Variants in WDR59 observed in about 807,000 individuals in gnomAD.
The protein encoded by WDR59 is WD repeat domain 59, also known as GATOR2 complex protein WDR59.
Under a neutral mutation model 131.2 loss-of-function variants are expected in WDR59, and 100 were observed. The observed-to-expected ratio is 0.76, with a 90% CI of 0.65 to 0.90. WDR59 has a LOEUF of 0.90. Ranked by LOEUF, WDR59 falls within the 40% of genes least tolerant of loss-of-function variation. WDR59 has a pLI of 0.00. For synonymous variants in WDR59, 601 were observed against 466.2 expected (o/e 1.29, Z -3.72); for missense variants, 1,203 against 1,262.2 (o/e 0.95, Z 0.71).
intron 1 of WDR59, among the ~76,000 whole-genome samples, chr16:74,967,704 C>T (rs1250148462): frequency 6.6e-6 from 1 of 151,814 alleles, no homozygotes; most frequent in Non-Finnish European, 1.5e-5. Flanking sequence ...ACTAAAAATA[C>T]AAAAATTAGC....
chr16:74,906,192 T>C (rs1201820845), intron 17 of WDR59, among the ~76,000 whole-genome samples: 1 of 151,252 alleles, frequency 6.6e-6, no homozygotes, highest in Non-Finnish European at 1.5e-5. Flanking sequence ...CGGGCGCCTA[T>C]AGGCCCAGCT....
At chr16:74,874,871 G>C (rs182771260) in intron 25 of WDR59, among the ~76,000 whole-genome samples, 2 of 152,122 alleles carry the variant, frequency 1.3e-5, no homozygotes, top group Non-Finnish European at 2.9e-5. Context: ...GATTATAGGC[G>C]TGAGCCACTG....
At chr16:74,878,824 T>C (rs907499318) in intron 25 of WDR59, among the ~76,000 whole-genome samples, 1 of 152,248 alleles carries the variant, frequency 6.6e-6, no homozygotes, top group African/African-American at 2.4e-5. Context: ...CCTTAGGAAA[T>C]GATTCTGCTC....
At chr16:74,890,336 A>G (rs1964977244) in intron 20 of WDR59, among the ~76,000 whole-genome samples, 1 of 151,998 alleles carries the variant, frequency 6.6e-6, no homozygotes. Context: ...TTTTCAGTAG[A>G]GATGGGGTTT....
chr16:74,970,350 T>C (rs907757644), intron 1 of WDR59, among the ~76,000 whole-genome samples: 3 of 151,878 alleles, frequency 2.0e-5, no homozygotes, highest in African/African-American at 7.2e-5. Context: ...GTCATTTCAC[T>C]TAATTCTACT....
At chr16:74,884,628 G>A (rs889344043) in intron 25 of WDR59, among the ~76,000 whole-genome samples, 3 of 152,310 alleles carry the variant, frequency 2.0e-5, no homozygotes, top group South Asian at 2.1e-4. Context: ...GATTACAGGC[G>A]TAAGTCACCA....
intron 2 of WDR59, 31 bp downstream of exon 2, chr16:74,965,742 C>A (rs1022553152): frequency 6.2e-7 from 1 of 1,613,776 alleles, no homozygotes; most frequent in Admixed American, 1.7e-5. Context: ...TTCCAGAAAT[C>A]ATGGCAGACA....
chr16:74,885,561 G>A, intron 25 of WDR59, 92 bp downstream of exon 25: 1 of 1,426,052 alleles, frequency 7.0e-7, no homozygotes, highest in Non-Finnish European at 9.3e-7. Context: ...GAAATGAGAA[G>A]CTGAAACTTC....
intron 1 of WDR59, among the ~76,000 whole-genome samples, chr16:74,966,143 C>G (rs1371706985): frequency 6.6e-6 from 1 of 152,094 alleles, no homozygotes; most frequent in African/African-American, 2.4e-5. Context: ...CTACCTGTTA[C>G]CCCCACACCA....
chr16:74,976,022 A>T (rs1350111582), intron 1 of WDR59, among the ~76,000 whole-genome samples: 1 of 152,164 alleles, frequency 6.6e-6, no homozygotes, highest in Non-Finnish European at 1.5e-5. Flanking sequence ...TATTTAAAAA[A>T]GAAAAAATAT....
At chr16:74,922,242 T>C (rs550377366) in intron 9 of WDR59, 139 bp from the exon 10 acceptor site, 4 of 1,079,706 alleles carry the variant, frequency 3.7e-6, no homozygotes, top group East Asian at 2.6e-5. Flanking sequence ...GAGAAATTTT[T>C]CCCAAACACC....
chr16:74,976,131 A>C (rs1219754814), intron 1 of WDR59, among the ~76,000 whole-genome samples: 3 of 152,248 alleles, frequency 2.0e-5, no homozygotes, highest in African/African-American at 4.8e-5. Context: ...GAAACTAAAA[A>C]AGTAGGAACC....
intron 1 of WDR59, among the ~76,000 whole-genome samples, chr16:74,974,239 C>T (rs1360595275): frequency 6.6e-6 from 1 of 152,132 alleles, no homozygotes; most frequent in African/African-American, 2.4e-5. Flanking sequence ...TTCCCACACA[C>T]TAAAATGGCC....
chr16:74,938,751 T>A (rs186856560), intron 7 of WDR59, among the ~76,000 whole-genome samples: 2 of 152,106 alleles, frequency 1.3e-5, no homozygotes, highest in Admixed American at 1.3e-4. Context: ...TTGTCCAGGC[T>A]GGTCTTGAAC....
chr16:74,933,175 C>G (rs913931247), intron 8 of WDR59, among the ~76,000 whole-genome samples: 1 of 152,100 alleles, frequency 6.6e-6, no homozygotes, highest in Non-Finnish European at 1.5e-5. Context: ...GTGGCATACA[C>G]CTGTAGTCCT....
chr16:74,885,448 C>CAAAAAAAAAAAAA (rs397855343), intron 25 of WDR59, among the ~76,000 whole-genome samples: 1 of 62,372 alleles, frequency 1.6e-5, no homozygotes, highest in Admixed American at 2.6e-4. Flanking sequence ...GATTCCATCT[C>CAAAAAAAAAAAAA]AAAAAAAAAA....
chr16:74,908,075 A>G (rs375548690), intron 17 of WDR59, among the ~76,000 whole-genome samples: 20 of 152,306 alleles, frequency 1.3e-4, no homozygotes, highest in African/African-American at 4.8e-4. Flanking sequence ...GTTAAACATG[A>G]TTCTCTCTAA....
chr16:74,886,682 G>GGCCT (rs1489008766), intron 23 of WDR59, among the ~76,000 whole-genome samples: 2 of 152,182 alleles, frequency 1.3e-5, no homozygotes, highest in Non-Finnish European at 2.9e-5. Context: ...CACTTTTGGA[G>GGCCT]GCCCAGGCAG....
At chr16:74,954,193 G>A (rs1042563101) in intron 3 of WDR59, among the ~76,000 whole-genome samples, 1 of 152,144 alleles carries the variant, frequency 6.6e-6, no homozygotes, top group Non-Finnish European at 1.5e-5. Context: ...TGGATCACCT[G>A]AGGTCGAGAG....
Sources: gnomAD v4.1 joint callset for allele counts (sites outside exome capture counted in the v4.1 genomes callset) on GRCh38, gnomAD v4.1.1 for gene constraint, MANE v1.5 for transcripts, NCBI Gene and HGNC (gene_info 2026-07-23, HGNC 2026-07-21) for gene names.